CASR: variants seen among roughly 807,000 people sequenced by gnomAD.
The protein encoded by CASR is extracellular calcium-sensing receptor.
A neutral mutation model predicts 69.1 loss-of-function variants in CASR; 23 were observed. The ratio of observed to expected loss-of-function variants is 0.33; its 90% CI spans 0.24 to 0.47. The LOEUF is 0.47. Among genes scored for constraint, CASR ranks in the 20% least tolerant of loss-of-function variants. The probability of loss-of-function intolerance (pLI) is 1.00; values close to 1 mark genes in which losing one functional copy is unlikely to be tolerated. For synonymous variants in CASR, 541 were observed against 544.7 expected, an observed-to-expected ratio of 0.99 and a Z score of 0.10; for missense variants, 924 against 1,356.1, an observed-to-expected ratio of 0.68 and a Z score of 5.00.
chr3:122,283,595 C>A (rs186665146), intron 6 of CASR, 92 bp from the exon 7 acceptor site: 1 of 1,036,432 alleles, frequency 9.6e-7, no homozygotes, highest in Non-Finnish European at 1.5e-6. Flanking sequence ...TGACCACATC[C>A]AAAAAACTAT....
intron 1 of CASR, among the ~76,000 whole-genome samples, chr3:122,192,351 C>T (rs2073847941): frequency 6.6e-6 from 1 of 152,106 alleles, no homozygotes; most frequent in African/African-American, 2.4e-5. Context: ...TGTTATGTGG[C>T]TTAAATGGGT....
At chr3:122,271,312 G>C (rs141074333) in intron 4 of CASR, among the ~76,000 whole-genome samples, 42 of 152,286 alleles carry the variant, frequency 2.8e-4, no homozygotes, top group Non-Finnish European at 5.7e-4. Context: ...GAGAAGTTTG[G>C]TCTAATGAAG....
In CASR at chr3:122,282,154, C is replaced by T; in HGVS notation, c.1650C>T (p.Thr550=). ...GCAGCCGAGACTGCCTGGCAGGGAC[C>T]AGGAAAGGGATCATTGAGGGGGAGC... ...SNCSRDCLAG[T]RKGIIEGEPT... is the part of the protein sequence containing the mutation. The change falls in exon 6 of 7, where the codon ACC becomes ACT. Residue 550 remains threonine (T), a synonymous_variant. Coordinates refer to ENST00000639785, the MANE Select transcript of CASR (RefSeq NM_000388.4). 6.2e-7 allele frequency: 1 copy of T among 1,614,160 alleles called. No individual in the cohort carries two copies. Among genetic ancestry groups the T allele is most frequent in the Non-Finnish European group, 8.5e-7 (1 of 1,180,022 alleles).
chr3:122,281,965 G>A (rs1387771011), intron 5 of CASR, 148 bp from the exon 6 acceptor site: 3 of 1,064,822 alleles, frequency 2.8e-6, no homozygotes, highest in Non-Finnish European at 4.3e-6. Context: ...AGGACCTCTG[G>A]ACCTCCCTTT....
intron 5 of CASR, among the ~76,000 whole-genome samples, chr3:122,276,457 C>G (rs901087594): frequency 1.3e-5 from 2 of 152,120 alleles, no homozygotes; most frequent in African/African-American, 4.8e-5. Context: ...GTCACAATGA[C>G]CAGGAAGTAT....
At position 122,263,239 on chromosome 3, in the gene CASR, G is replaced by A. The variant is rs1287448662; in HGVS notation, c.1377+827G>A. 5.9e-5 allele frequency among the ~76,000 whole-genome samples: 9 copies of A among 152,114 alleles called. No homozygotes were observed. The South Asian group carries it at 8.3e-4, about 14-fold the overall frequency. The stretch of plus-strand genomic sequence containing the variant: ...GATTGCATGACAGTGGAGAGGGCGG[G>A]AATTCCTGAATTTGAATGGAATGTG... On this transcript the variant is annotated intron_variant, in intron 4 of 6. Transcript: ENST00000639785.
intron 1 of CASR, among the ~76,000 whole-genome samples, chr3:122,204,887 C>A (rs2107590619): frequency 6.6e-6 from 1 of 152,156 alleles, no homozygotes; most frequent in East Asian, 1.9e-4. Flanking sequence ...TGAGAAATGT[C>A]TATTCAGATC....
At chr3:122,281,237 A>G (rs1043986127) in intron 5 of CASR, among the ~76,000 whole-genome samples, 2 of 152,224 alleles carry the variant, frequency 1.3e-5, no homozygotes, top group African/African-American at 4.8e-5. Flanking sequence ...GAACACTGGT[A>G]GTCTATGGCA....
chr3:122,249,573 G>A (rs183392537), intron 1 of CASR, among the ~76,000 whole-genome samples: 79 of 152,298 alleles, frequency 5.2e-4, no homozygotes, highest in South Asian at 4.1e-3. Context: ...TTATCTGTCC[G>A]TACTGAAACA....
rs761790819 is a variant in CASR, at chr3:122,285,198, A to C, written c.*7A>C. The C allele has an allele frequency of 6.2e-7, 1 of 1,613,344 alleles. No individual in the cohort carries two copies. Among genetic ancestry groups the C allele is most frequent in the Non-Finnish European group, 8.5e-7 (1 of 1,179,506 alleles). On this transcript the variant is annotated 3_prime_UTR_variant, in exon 7 of 7. Transcript: ENST00000639785. ...AAACGTAGTGAATTCATAAAATGGA[A>C]GGAGAAGACTGGGCTAGGGAGAATG... is the stretch of plus-strand genomic sequence containing the variant.
At chr3:122,194,661 C>T (rs750463525) in intron 1 of CASR, among the ~76,000 whole-genome samples, 6 of 152,200 alleles carry the variant, frequency 3.9e-5, no homozygotes, top group Non-Finnish European at 5.9e-5. Flanking sequence ...AACTTTTCCT[C>T]TACTTGGCAG....
rs1162793090 is a variant in CASR, at chr3:122,287,238, T to C, written c.*2047T>C. 1.3e-5 allele frequency: 2 copies of C among 152,256 alleles called. No individual in the cohort carries two copies. The highest frequency in any genetic ancestry group is 6.5e-5 in the Admixed American group (1 of 15,294). The allele number at this position is 152,256 out of a possible 1,614,324, so 9.4% of individuals were successfully genotyped here. A position where few individuals can be genotyped will look rare whatever the true frequency, so the allele number is the denominator to read the frequency against. Reference sequence around the variant, plus strand: ...CTCCAGGGTTTGACTTCAATGTCCATGTCACCCAAGGGGCTTTAGGAGGAA... The same window carrying C: ...CTCCAGGGTTTGACTTCAATGTCCACGTCACCCAAGGGGCTTTAGGAGGAA... On this transcript the variant is annotated 3_prime_UTR_variant, in exon 7 of 7. Coordinates refer to ENST00000639785, the MANE Select transcript of CASR (RefSeq NM_000388.4).
At chr3:122,222,436 T>G (rs2074180989) in intron 1 of CASR, among the ~76,000 whole-genome samples, 1 of 152,218 alleles carries the variant, frequency 6.6e-6, no homozygotes, top group Non-Finnish European at 1.5e-5. Context: ...ACTAGTCTTA[T>G]ATCACATACA....
intron 1 of CASR, among the ~76,000 whole-genome samples, chr3:122,201,377 T>C (rs2073949475): frequency 6.6e-6 from 1 of 152,184 alleles, no homozygotes; most frequent in African/African-American, 2.4e-5. Flanking sequence ...CAGAACAAAA[T>C]GAAAAGTCTC....
At chr3:122,248,530 T>C (rs369673608) in intron 1 of CASR, among the ~76,000 whole-genome samples, 1 of 152,242 alleles carries the variant, frequency 6.6e-6, no homozygotes, top group South Asian at 2.1e-4. Context: ...GACATAGCAG[T>C]GTACTCACGT....
chr3:122,235,653 C>T (rs1404087701), intron 1 of CASR, among the ~76,000 whole-genome samples: 1 of 152,018 alleles, frequency 6.6e-6, no homozygotes, highest in African/African-American at 2.4e-5. Context: ...AAAAAATAGC[C>T]TGGGGTAGTG....
chr3:122,251,355 A>G (rs1041245112), intron 1 of CASR, among the ~76,000 whole-genome samples: 1 of 152,222 alleles, frequency 6.6e-6, no homozygotes, highest in Non-Finnish European at 1.5e-5. Flanking sequence ...CTAAGGGTTC[A>G]GGGAAGTCCT....
intron 4 of CASR, among the ~76,000 whole-genome samples, chr3:122,264,303 T>A (rs1055195972): frequency 2.6e-5 from 4 of 152,218 alleles, no homozygotes; most frequent in African/African-American, 9.6e-5. Context: ...TTCCCCAGGG[T>A]TAGCAATTTT....
At chr3:122,215,299 C>T (rs970267337) in intron 1 of CASR, among the ~76,000 whole-genome samples, 1 of 152,176 alleles carries the variant, frequency 6.6e-6, no homozygotes, top group Non-Finnish European at 1.5e-5. Context: ...CCTTGAAAAG[C>T]TTTCTGCTTA....
Sources: gnomAD v4.1 joint callset for allele counts (sites outside exome capture counted in the v4.1 genomes callset) on GRCh38, gnomAD v4.1.1 for gene constraint, MANE v1.5 for transcripts, NCBI Gene and HGNC (gene_info 2026-07-23, HGNC 2026-07-21) for gene names.